Variants in PACSIN2 observed in about 807,000 individuals in gnomAD.
PACSIN2 encodes protein kinase C and casein kinase substrate in neurons protein 2.
A neutral mutation model predicts 63.8 loss-of-function variants in PACSIN2; 25 were observed. The ratio of observed to expected loss-of-function variants is 0.39; its 90% CI spans 0.29 to 0.55. The LOEUF is 0.55. Among genes scored for constraint, PACSIN2 ranks in the 20% least tolerant of loss-of-function variants. PACSIN2 has a pLI of 0.62. For synonymous variants in PACSIN2, 255 were observed against 256.2 expected, an observed-to-expected ratio of 1.00 and a Z score of 0.05; for missense variants, 518 against 646.9, an observed-to-expected ratio of 0.80 and a Z score of 2.16.
intron 1 of PACSIN2, among the ~76,000 whole-genome samples, chr22:42,994,112 A>G (rs1923235690): frequency 6.6e-6 from 1 of 152,230 alleles, no homozygotes; most frequent in African/African-American, 2.4e-5. Context: ...TCCTTCTGAT[A>G]TTGCGCCAGA....
At chr22:42,916,395 C>G (rs953451826) in intron 1 of PACSIN2, among the ~76,000 whole-genome samples, 6 of 75,582 alleles carry the variant, frequency 7.9e-5, no homozygotes, top group African/African-American at 2.9e-4. Context: ...AGAGCAACAA[C>G]CTGGGGTGGG....
At chr22:43,014,810 T>C (rs1336794332) in intron 1 of PACSIN2, among the ~76,000 whole-genome samples, 2 of 134,650 alleles carry the variant, frequency 1.5e-5, no homozygotes, top group East Asian at 4.8e-4. Flanking sequence ...CTCCCCAAGA[T>C]GTCTTCTCCA....
intron 2 of PACSIN2, among the ~76,000 whole-genome samples, chr22:42,908,071 G>A (rs140709033): frequency 6.6e-6 from 1 of 152,294 alleles, no homozygotes; most frequent in African/African-American, 2.4e-5. Context: ...AGATACTTAT[G>A]TTCTCTTCAT....
At chr22:42,971,409 T>C (rs1921257980) in intron 1 of PACSIN2, among the ~76,000 whole-genome samples, 1 of 152,140 alleles carries the variant, frequency 6.6e-6, no homozygotes. Flanking sequence ...CAGGCTGGAG[T>C]GCAGTGGCGT....
intron 10 of PACSIN2, among the ~76,000 whole-genome samples, chr22:42,874,432 T>G (rs1928423702): frequency 6.6e-6 from 1 of 152,196 alleles, no homozygotes; most frequent in Admixed American, 6.5e-5. Flanking sequence ...CCAGGCTGTT[T>G]TATAAAACTA....
intron 1 of PACSIN2, among the ~76,000 whole-genome samples, chr22:42,961,746 C>A (rs1419182798): frequency 6.6e-6 from 1 of 152,060 alleles, no homozygotes; most frequent in Non-Finnish European, 1.5e-5. Context: ...GCACTCTAGC[C>A]TGGGTGACAG....
At position 42,959,032 on chromosome 22, in the gene PACSIN2, C is replaced by T. The variant is rs148459426; in HGVS notation, c.-77-46875G>A. 7.9e-4 allele frequency among the ~76,000 whole-genome samples: 120 copies of T among 152,138 alleles called. No individual in the cohort carries two copies. In the East Asian group the frequency reaches 0.02, roughly 25 times the overall value. ...AATAAGACTTTTACATTTTGTTACC[C>T]GACAAAAATATAAACAGTGTCTAGT... is the stretch of plus-strand genomic sequence containing the variant. On this transcript the variant is annotated intron_variant, in intron 1 of 10. Coordinates refer to ENST00000263246, the MANE Select transcript of PACSIN2 (RefSeq NM_001184970.3).
intron 1 of PACSIN2, among the ~76,000 whole-genome samples, chr22:42,952,353 TTTTAAG>T (rs909262550): frequency 1.3e-5 from 2 of 151,798 alleles, no homozygotes; most frequent in Non-Finnish European, 2.9e-5. Context: ...TATTTTTTAT[TTTTAAG>T]TTTATCTTTT....
At chr22:42,943,314 T>C (rs1219651165) in intron 1 of PACSIN2, among the ~76,000 whole-genome samples, 1 of 152,226 alleles carries the variant, frequency 6.6e-6, no homozygotes, top group Non-Finnish European at 1.5e-5. Context: ...TTTCTTTATA[T>C]AAGATCATGC....
At chr22:42,967,266 G>A (rs1373345155) in intron 1 of PACSIN2, among the ~76,000 whole-genome samples, 1 of 152,106 alleles carries the variant, frequency 6.6e-6, no homozygotes, top group African/African-American at 2.4e-5. Flanking sequence ...TCTTTGGCTG[G>A]GGCTTCCTCC....
At chr22:42,998,393 A>G (rs1923552857) in intron 1 of PACSIN2, among the ~76,000 whole-genome samples, 2 of 152,116 alleles carry the variant, frequency 1.3e-5, no homozygotes, top group South Asian at 2.1e-4. Context: ...CATCTCCCCA[A>G]CATGCCCTGA....
At chr22:43,009,394 G>C (rs1924304582) in intron 1 of PACSIN2, among the ~76,000 whole-genome samples, 1 of 152,220 alleles carries the variant, frequency 6.6e-6, no homozygotes, top group South Asian at 2.1e-4. Context: ...TTAGCTCAAA[G>C]ATGACCAGGA....
intron 1 of PACSIN2, among the ~76,000 whole-genome samples, chr22:42,976,885 G>A (rs1165251758): frequency 6.6e-6 from 1 of 152,198 alleles, no homozygotes. Context: ...TAAATGGCAG[G>A]ACTGGGGCAA....
intron 1 of PACSIN2, among the ~76,000 whole-genome samples, chr22:43,013,321 A>C (rs941266854): frequency 6.6e-6 from 1 of 152,216 alleles, no homozygotes; most frequent in African/African-American, 2.4e-5. Context: ...CACTTTCTTT[A>C]AAGCTTTAAG....
chr22:43,001,596 G>A (rs1461488628), intron 1 of PACSIN2, among the ~76,000 whole-genome samples: 2 of 152,242 alleles, frequency 1.3e-5, no homozygotes, highest in Non-Finnish European at 2.9e-5. Flanking sequence ...GCCTGTGCTT[G>A]GGAAGCAAGA....
At chr22:42,933,338 G>A (rs942043689) in intron 1 of PACSIN2, among the ~76,000 whole-genome samples, 3 of 152,138 alleles carry the variant, frequency 2.0e-5, no homozygotes, top group Non-Finnish European at 4.4e-5. Flanking sequence ...CCTGGAGGGC[G>A]GGCAAAGCCG....
chr22:42,917,953 C>T (rs1931922841), intron 1 of PACSIN2, among the ~76,000 whole-genome samples: 1 of 152,116 alleles, frequency 6.6e-6, no homozygotes, highest in Non-Finnish European at 1.5e-5. Context: ...CTTAATGGTG[C>T]CATTTGTTGC....
intron 2 of PACSIN2, among the ~76,000 whole-genome samples, chr22:42,899,525 AC>A (rs1324336812): frequency 1.3e-5 from 2 of 152,172 alleles, no homozygotes; most frequent in Non-Finnish European, 2.9e-5. Flanking sequence ...ACTGGCAACC[AC>A]CAGAGAGTGG....
At chr22:42,910,944 A>G (rs6002974) in intron 2 of PACSIN2, among the ~76,000 whole-genome samples, 36,406 of 151,128 alleles carry the variant, frequency 0.24, 7,802 homozygotes, top group East Asian at 0.73. Flanking sequence ...TTGCTCTGTC[A>G]CCCAGGCTGG....
Sources: gnomAD v4.1 joint callset for allele counts (sites outside exome capture counted in the v4.1 genomes callset) on GRCh38, gnomAD v4.1.1 for gene constraint, MANE v1.5 for transcripts, NCBI Gene and HGNC (gene_info 2026-07-23, HGNC 2026-07-21) for gene names.